Variants in MED16 observed in about 807,000 individuals in gnomAD.
MED16 encodes mediator of RNA polymerase II transcription subunit 16.
A neutral mutation model predicts 84.4 loss-of-function variants in MED16; 81 were observed. The ratio of observed to expected loss-of-function variants is 0.96; its 90% CI spans 0.80 to 1.15. MED16 has a LOEUF of 1.15. MED16 is among the 50% of genes most tolerant of loss of function. MED16 has a pLI of 0.00. For synonymous variants in MED16, 897 were observed against 552.2 expected (o/e 1.62, Z -8.76); for missense variants, 1,585 against 1,245.9 (o/e 1.27, Z -4.10).
intron 8 of MED16, among the ~76,000 whole-genome samples, chr19:877,543 G>C (rs1010026037): frequency 8.7e-6 from 1 of 115,168 alleles, no homozygotes; most frequent in Non-Finnish European, 2.1e-5. Context: ...CGCTCAACAA[G>C]ACGAACCCAT....
intron 12 of MED16, 31 bp from the exon 13 acceptor site, chr19:871,284 C>A: frequency 6.6e-7 from 1 of 1,516,554 alleles, no homozygotes; most frequent in Non-Finnish European, 8.9e-7. Context: ...AGTCTCAGCA[C>A]CCCTGACTGG....
intron 9 of MED16, among the ~76,000 whole-genome samples, chr19:876,603 A>C (rs1045933357): frequency 6.6e-6 from 1 of 151,998 alleles, no homozygotes; most frequent in Non-Finnish European, 1.5e-5. Flanking sequence ...GCTTTCCTGG[A>C]CGGGCCTCTG....
intron 6 of MED16, among the ~76,000 whole-genome samples, chr19:884,338 G>A (rs2036481676): frequency 6.6e-6 from 1 of 152,144 alleles, no homozygotes; most frequent in African/African-American, 2.4e-5. Flanking sequence ...GGGGATGACG[G>A]GCTTGGCTCC....
chr19:868,001 C>T lies in MED16; in HGVS notation c.*100G>A, dbSNP rs891990204. The T allele has an allele frequency of 1.4e-5, 20 of 1,441,922 alleles. No homozygotes were observed. In the South Asian group the frequency reaches 2.6e-4, roughly 19 times the overall value. 89.3% of individuals were successfully genotyped at this position (1,441,922 alleles called of 1,614,324 possible). On this transcript the variant is annotated 3_prime_UTR_variant, in exon 16 of 16. Transcript: ENST00000325464. ...CGTTTATTGGACCTGTCCTTCCCAG[C>T]CGCTGCTTGTCCAGGTTCAGCGCTC...
At position 881,728 on chromosome 19, in the gene MED16, G is replaced by C. The variant is rs745717218; in HGVS notation, c.986-14C>G. On this transcript the variant is annotated splice_polypyrimidine_tract_variant and intron_variant, in intron 6 of 15. Transcript: ENST00000325464. The stretch of plus-strand genomic sequence containing the variant: ...GTTTGTCGCCAACTGAAAAATCAGG[G>C]GCAGGAAAACAGGAAGGCAATGGAG... 1 of 1,607,368 alleles carries C rather than the reference G, an allele frequency of 6.2e-7. No homozygotes were observed. Among genetic ancestry groups the C allele is most frequent in the Admixed American group, 1.7e-5 (1 of 59,822 alleles).
At chr19:887,344 G>A (rs768307623) in intron 4 of MED16, among the ~76,000 whole-genome samples, 7 of 152,104 alleles carry the variant, frequency 4.6e-5, no homozygotes, top group African/African-American at 7.2e-5. Flanking sequence ...TGTTAAAGGA[G>A]CACATGTGCC....
intron 2 of MED16, 82 bp from the exon 3 acceptor site, chr19:890,326 A>T: frequency 1.0e-6 from 1 of 989,594 alleles, no homozygotes; most frequent in Non-Finnish European, 1.5e-6. Context: ...GCTCCAGGTA[A>T]GCCGGTGTGT....
chr19:886,031 C>G lies in MED16; in HGVS notation c.618G>C (p.Leu206=). 3 of 1,598,388 alleles carry G rather than the reference C, an allele frequency of 1.9e-6. No individual in the cohort carries two copies. The highest frequency in any genetic ancestry group is 2.2e-5 in the South Asian group (2 of 90,646). Residue 206 remains leucine (L), a synonymous_variant, in exon 5 of 16, where the codon CTG becomes CTC. Coordinates refer to ENST00000325464, the MANE Select transcript of MED16 (RefSeq NM_005481.3). ...SGQVLTSTES[L]CRLRGRVALA... The stretch of plus-strand genomic sequence containing the variant: ...GGGCCACGCGGCCGCGCAGCCGGCA[C>G]AGGCTCTCGGTGGACGTCAGCACCT...
At position 868,398 on chromosome 19, in the gene MED16, C is replaced by T. The variant is rs2035967110; in HGVS notation, c.2483+18G>A. 3 of 1,608,042 alleles carry T rather than the reference C, an allele frequency of 1.9e-6. No homozygotes were observed. The highest frequency in any genetic ancestry group is 2.2e-5 in the East Asian group (1 of 44,836). On this transcript the variant is annotated intron_variant, in intron 15 of 15. Coordinates refer to ENST00000325464, the MANE Select transcript of MED16 (RefSeq NM_005481.3). Reference sequence around the variant, plus strand: ...TCAGGGGTAGCTGAGGGGCACCCGCCACCAGAGCCCACCGCACAGGCAGTT... The same window carrying T: ...TCAGGGGTAGCTGAGGGGCACCCGCTACCAGAGCCCACCGCACAGGCAGTT...
intron 12 of MED16, 87 bp from the exon 13 acceptor site, chr19:871,340 A>T: frequency 7.2e-7 from 1 of 1,398,086 alleles, no homozygotes; most frequent in African/African-American, 1.4e-5. Flanking sequence ...CCTCCAGTTC[A>T]GGAGCACCAG....
In MED16 at chr19:874,470, G is replaced by A. The variant is rs558738987; in HGVS notation, c.1771+774C>T. Reference sequence around the variant, plus strand: ...AGTGGCTCACGCCTGTAATCCCAGCGCTTTGGGAGGCAGAGGCGAGTAGGA... The same window carrying A: ...AGTGGCTCACGCCTGTAATCCCAGCACTTTGGGAGGCAGAGGCGAGTAGGA... On this transcript the variant is annotated intron_variant, in intron 10 of 15. Transcript: ENST00000325464. 2.1e-3 allele frequency among the ~76,000 whole-genome samples: 315 copies of A among 152,056 alleles called. 6 individuals are homozygous for A. The highest frequency in any genetic ancestry group is 6.6e-3 in the African/African-American group (272 of 41,490).
chr19:892,431 C>T (rs1385536033), intron 1 of MED16: 1 of 155,288 alleles, frequency 6.4e-6, no homozygotes, highest in Non-Finnish European at 1.4e-5. Context: ...GGCCCAACCC[C>T]TAAAACTCCC....
chr19:888,829 A>G (rs2036575109), intron 4 of MED16, among the ~76,000 whole-genome samples: 1 of 152,134 alleles, frequency 6.6e-6, no homozygotes, highest in Non-Finnish European at 1.5e-5. Flanking sequence ...GGACGAGAGA[A>G]AAGATCTTGT....
chr19:879,624 A>C (rs1486034671), intron 8 of MED16, among the ~76,000 whole-genome samples: 1 of 104,480 alleles, frequency 9.6e-6, no homozygotes. Context: ...CCCCAAGCCC[A>C]GCCCCACGTG....
chr19:887,559 G>T (rs376107227), intron 4 of MED16, among the ~76,000 whole-genome samples: 6 of 151,576 alleles, frequency 4.0e-5, no homozygotes, highest in Admixed American at 2.6e-4. Context: ...CCAGCTACTC[G>T]GGAGGCTGAG....
chr19:884,634 CCT>C (rs1476591095), intron 6 of MED16, among the ~76,000 whole-genome samples: 5 of 152,230 alleles, frequency 3.3e-5, no homozygotes, highest in African/African-American at 1.2e-4. Flanking sequence ...AGCAACGACA[CCT>C]CTCAGCCTCG....
intron 5 of MED16, 93 bp downstream of exon 5, chr19:885,677 T>C: frequency 1.4e-6 from 2 of 1,432,730 alleles, no homozygotes; most frequent in Non-Finnish European, 1.9e-6. Context: ...GTTTAGCCCG[T>C]GGAGGCCCGC....
At position 876,987 on chromosome 19, in the gene MED16, G is replaced by A; in HGVS notation, c.1547C>T (p.Ala516Val). Reference protein sequence around the residue: ...KLHEEYTRQTAALQQVLSTRI... With the variant: ...KLHEEYTRQTVALQQVLSTRI... ...ACGGGCCCCCACCTGCTGCAGGGCA[G>A]CGGTCTGGCGCGTGTACTCCTCGTG... Residue 516 changes from alanine to valine, a missense_variant, in exon 9 of 16, where the codon GCT becomes GTT. Coordinates refer to ENST00000325464, the MANE Select transcript of MED16 (RefSeq NM_005481.3). 2 of 1,565,320 alleles carry A rather than the reference G, an allele frequency of 1.3e-6. No homozygotes were observed. Among genetic ancestry groups the A allele is most frequent in the South Asian group, 2.3e-5 (2 of 85,548 alleles).
At chr19:871,653 G>A (rs748737981) in intron 12 of MED16, 118 of 1,591,958 alleles carry the variant, frequency 7.4e-5, no homozygotes, top group Non-Finnish European at 9.4e-5. Flanking sequence ...GCATGGACCT[G>A]TGCTAGGAAC....
Sources: gnomAD v4.1 joint callset for allele counts (sites outside exome capture counted in the v4.1 genomes callset) on GRCh38, gnomAD v4.1.1 for gene constraint, MANE v1.5 for transcripts, NCBI Gene and HGNC (gene_info 2026-07-23, HGNC 2026-07-21) for gene names.